Variants in STRIP2 observed in about 807,000 individuals in gnomAD.
STRIP2 encodes the protein striatin-interacting protein 2.
In STRIP2, 84 loss-of-function variants were observed where a neutral mutation model predicts 107.1. That is an observed-to-expected ratio of 0.78 (90% CI 0.66 to 0.94). STRIP2 has a LOEUF of 0.94. Ranked by LOEUF, STRIP2 falls within the 40% of genes least tolerant of loss-of-function variation. STRIP2 has a pLI of 0.00. For missense variants in STRIP2, 888 were observed against 1,034.2 expected (o/e 0.86, Z 1.94); for synonymous variants, 394 against 400.4 (o/e 0.98, Z 0.19).
rs1293613320 is a variant in STRIP2, at chr7:129,456,635, C to T, written c.1031C>T (p.Ser344Phe). 6.2e-7 allele frequency: 1 copy of T among 1,613,846 alleles called. No individual in the cohort carries two copies. Among genetic ancestry groups the T allele is most frequent in the East Asian group, 2.2e-5 (1 of 44,880 alleles). The change falls in exon 9 of 21, where the codon TCT (serine) becomes TTT (phenylalanine). Residue 344 changes from serine to phenylalanine, a missense_variant. Transcript: ENST00000249344. ...TCCAAGCTGCGAGGCCGCCGTGGCTCTCGAAGGGTATGGACTGAAGCAGAC... is the reference window on the plus strand; with the variant it reads ...TCCAAGCTGCGAGGCCGCCGTGGCTTTCGAAGGGTATGGACTGAAGCAGAC... The part of the protein sequence containing the change: ...PPSKLRGRRG[S>F]RRQLLTKQDS...
Position 129,455,319 on chromosome 7 carries a change from C to G in STRIP2, c.782C>G (p.Ala261Gly), listed in dbSNP as rs778811426. 2.5e-6 allele frequency: 4 copies of G among 1,613,860 alleles called. No homozygotes were observed. Among genetic ancestry groups the G allele is most frequent in the Non-Finnish European group, 3.4e-6 (4 of 1,179,906 alleles). ...SMVTKFCSGL[A>G]PHFPIKKVLL... ...GTTACCAAGTTCTGCAGTGGCCTGG[C>G]TCCTCACTTCCCCATAAAGAAGGTC... Residue 261 changes from alanine (A) to glycine (G), a missense_variant, in exon 8 of 21, where the codon GCT (alanine) becomes GGT (glycine). Transcript: ENST00000249344.
At chr7:129,457,107 G>A (rs932723063) in intron 9 of STRIP2, among the ~76,000 whole-genome samples, 1 of 152,186 alleles carries the variant, frequency 6.6e-6, no homozygotes, top group Non-Finnish European at 1.5e-5. Context: ...ACATTTAAGA[G>A]ATGACTGGGT....
rs1491462474 is a variant in STRIP2, at chr7:129,472,775, C to CTTTTTTTTTTTTTTTTT, written c.1944+2060_1944+2061insTTTTTTTTTTTTTTTTT. Among the ~76,000 whole-genome samples, 26 of 68,892 alleles carry CTTTTTTTTTTTTTTTTT rather than the reference C, an allele frequency of 3.8e-4. 11 individuals carry two copies. The highest frequency in any genetic ancestry group is 4.6e-4 in the Admixed American group (2 of 4,318). 45.2% of individuals were successfully genotyped at this position (68,892 alleles called of 152,430 possible). A position where few individuals can be genotyped will look rare whatever the true frequency, so the allele number is the denominator to read the frequency against. On this transcript the variant is annotated intron_variant, in intron 18 of 20. Transcript: ENST00000249344. ...AATATATAGAATTTTCTTTTCTTTT[C>CTTTTTTTTTTTTTTTTT]CTTTTTTTTTTTTTTTTTTTTTTTT...
rs1174955546 is a variant in STRIP2, at chr7:129,486,889, G to C, written c.*1060G>C. The C allele has an allele frequency of 6.6e-6, 1 of 150,654 alleles. No individual in the cohort carries two copies. Among genetic ancestry groups the C allele is most frequent in the African/African-American group, 2.4e-5 (1 of 40,888 alleles). 9.3% of individuals were successfully genotyped at this position (150,654 alleles called of 1,614,324 possible). ...ATTGCACATTTCATTGAAAATGTGA[G>C]AGTTGATATACCAGCCTCTTTATAT... On this transcript the variant is annotated 3_prime_UTR_variant, in exon 21 of 21. Coordinates refer to ENST00000249344, the MANE Select transcript of STRIP2 (RefSeq NM_020704.3).
intron 1 of STRIP2, 87 bp downstream of exon 1, chr7:129,434,688 A>C: frequency 7.3e-7 from 1 of 1,361,824 alleles, no homozygotes. Context: ...TCGGCCCCGG[A>C]GCCCTCGGCG....
intron 8 of STRIP2, 97 bp from the exon 9 acceptor site, chr7:129,456,342 T>C (rs774637389): frequency 1.9e-6 from 2 of 1,053,744 alleles, no homozygotes; most frequent in African/African-American, 3.1e-5. Flanking sequence ...GGACTGGAGG[T>C]TGTGGCCCTT....
intron 3 of STRIP2, among the ~76,000 whole-genome samples, chr7:129,445,307 CCTT>C (rs1268733878): frequency 2.6e-5 from 4 of 152,228 alleles, no homozygotes; most frequent in African/African-American, 9.6e-5. Context: ...ACTGTAACTC[CCTT>C]CTTAGCCTGT....
intron 17 of STRIP2, among the ~76,000 whole-genome samples, chr7:129,470,341 G>A (rs2151011470): frequency 1.3e-5 from 2 of 152,326 alleles, no homozygotes; most frequent in East Asian, 3.9e-4. Context: ...AAACACAAAT[G>A]CACTCAAGTT....
At chr7:129,454,242 G>A in intron 6 of STRIP2, 32 bp downstream of exon 6, 1 of 1,608,036 alleles carries the variant, frequency 6.2e-7, no homozygotes, top group South Asian at 1.1e-5. Context: ...CTTGGAACAG[G>A]GCAGATGATT....
chr7:129,459,111 G>A (rs1719820589), intron 11 of STRIP2, among the ~76,000 whole-genome samples: 2 of 152,126 alleles, frequency 1.3e-5, no homozygotes, highest in South Asian at 4.1e-4. Flanking sequence ...AAAATTCTGT[G>A]AACAAGAGAC....
intron 3 of STRIP2, among the ~76,000 whole-genome samples, chr7:129,446,481 C>G (rs1562896669): frequency 6.6e-6 from 1 of 152,206 alleles, no homozygotes; most frequent in Non-Finnish European, 1.5e-5. Context: ...ATGCAAAGTA[C>G]ACAGCCAGGT....
intron 3 of STRIP2, among the ~76,000 whole-genome samples, 192 bp downstream of exon 3, chr7:129,444,290 C>T (rs147676088): frequency 3.7e-4 from 56 of 152,204 alleles, no homozygotes; most frequent in Admixed American, 1.1e-3. Context: ...TATTAACTTA[C>T]ACAATCACAA....
chr7:129,434,698 G>C, intron 1 of STRIP2, 97 bp downstream of exon 1: 5 of 1,339,922 alleles, frequency 3.7e-6, no homozygotes, highest in Non-Finnish European at 4.8e-6. Flanking sequence ...AGCCCTCGGC[G>C]CGCTCGATCA....
rs768337671 is a variant in STRIP2, at chr7:129,470,626, GT to G, written c.1878-22del. 4 of 1,605,992 alleles carry G rather than the reference GT, an allele frequency of 2.5e-6. No individual in the cohort carries two copies. The East Asian group carries it at 6.7e-5, about 27-fold the overall frequency. On this transcript the variant is annotated intron_variant, in intron 17 of 20. Transcript: ENST00000249344. ...TGCTGTTGCCATTTACCTAAAGCCTGTCCTTATCTCTGCATCTTACAGCATC... is the reference window on the plus strand; with the variant it reads ...TGCTGTTGCCATTTACCTAAAGCCTGCCTTATCTCTGCATCTTACAGCATC...
chr7:129,455,309 A>C lies in STRIP2; in HGVS notation c.772A>C (p.Ser258Arg), dbSNP rs1343733410. 2 of 1,613,898 alleles carry C rather than the reference A, an allele frequency of 1.2e-6. No individual in the cohort carries two copies. The highest frequency in any genetic ancestry group is 1.7e-6 in the Non-Finnish European group (2 of 1,179,944). ...CTTCTCCATGGTTACCAAGTTCTGC[A>C]GTGGCCTGGCTCCTCACTTCCCCAT... is the stretch of plus-strand genomic sequence containing the variant. ...LLFSMVTKFC[S>R]GLAPHFPIKK... Residue 258 changes from serine to arginine, a missense_variant, in exon 8 of 21, where the codon AGT becomes CGT. By Grantham distance (110) the Ser-to-Arg change is moderately radical (BLOSUM62 -1). Transcript: ENST00000249344.
chr7:129,449,951 T>C (rs543921773), intron 3 of STRIP2, among the ~76,000 whole-genome samples: 11 of 152,352 alleles, frequency 7.2e-5, no homozygotes, highest in African/African-American at 2.6e-4. Context: ...AGCTTCCTTA[T>C]GTTCCTTGGT....
intron 9 of STRIP2, 95 bp downstream of exon 9, chr7:129,456,737 G>A: frequency 8.2e-7 from 1 of 1,216,690 alleles, no homozygotes; most frequent in Non-Finnish European, 1.2e-6. Flanking sequence ...AGCAGTAAAT[G>A]ACCCGGCTCA....
rs1211512231 is a variant in STRIP2, at chr7:129,458,527, A to G, written c.1274+77A>G. On this transcript the variant is annotated intron_variant, in intron 10 of 20. Coordinates refer to ENST00000249344, the MANE Select transcript of STRIP2 (RefSeq NM_020704.3). This position sits in a 1 kb window ranked among gnomAD's most constrained non-coding sequence, Gnocchi z 4.6. ...AGGCCCAAGATGGGGTAGTCTATGTATTCAAGGCTCGTTAAGTTGGTCTGG... is the reference window on the plus strand; with the variant it reads ...AGGCCCAAGATGGGGTAGTCTATGTGTTCAAGGCTCGTTAAGTTGGTCTGG... The G allele has an allele frequency of 8.2e-6, 11 of 1,342,738 alleles. No individual in the cohort carries two copies. The highest frequency in any genetic ancestry group is 1.1e-5 in the Non-Finnish European group (11 of 984,792). 83.2% of individuals were successfully genotyped at this position (1,342,738 alleles called of 1,614,324 possible).
chr7:129,473,552 T>C (rs1001420138), intron 18 of STRIP2, among the ~76,000 whole-genome samples: 2 of 152,034 alleles, frequency 1.3e-5, no homozygotes, highest in Non-Finnish European at 2.9e-5. Context: ...TTGTATTTTT[T>C]GTAGAGACGG....
Sources: allele counts gnomAD v4.1 joint callset (sites outside exome capture counted in the v4.1 genomes callset), GRCh38; gene constraint gnomAD v4.1.1; non-coding constraint Gnocchi (gnomAD v3.1); transcripts MANE v1.5; gene names NCBI Gene and HGNC (gene_info 2026-07-23, HGNC 2026-07-21).